Variants in TTC27 observed in about 807,000 individuals in gnomAD.
The protein encoded by TTC27 is tetratricopeptide repeat protein 27.
Under a neutral mutation model 115.9 loss-of-function variants are expected in TTC27, and 79 were observed. The observed-to-expected ratio is 0.68, with a 90% confidence interval of 0.57 to 0.82. TTC27 has a LOEUF of 0.82. TTC27 is among the 40% of genes least tolerant of loss of function. The probability of loss-of-function intolerance (pLI) is 0.00; values close to 1 mark genes in which losing one functional copy is unlikely to be tolerated. For missense variants in TTC27, 1,054 were observed against 993.1 expected (o/e 1.06, Z -0.82); for synonymous variants, 401 against 356.0 (o/e 1.13, Z -1.42).
chr2:32,820,748 CTG>C (rs1227078311), intron 19 of TTC27, 66 bp from the exon 20 acceptor site: 3 of 1,415,126 alleles, frequency 2.1e-6, no homozygotes, highest in East Asian at 2.6e-5. Flanking sequence ...ACTCTATACT[CTG>C]TATCTATTTT....
At chr2:32,681,194 C>G (rs182612580) in intron 9 of TTC27, among the ~76,000 whole-genome samples, 1 of 152,078 alleles carries the variant, frequency 6.6e-6, no homozygotes. Flanking sequence ...GAGTTAATCC[C>G]GAGTAAATCT....
At chr2:32,656,855 A>C (rs966335602) in intron 5 of TTC27, among the ~76,000 whole-genome samples, 6 of 152,142 alleles carry the variant, frequency 3.9e-5, no homozygotes, top group Non-Finnish European at 7.3e-5. Context: ...TTTATAATCA[A>C]ACTAACTGCA....
At position 32,768,852 on chromosome 2, in the gene TTC27, A is replaced by G. The variant is rs147090092; in HGVS notation, c.1681-9030A>G. 4.9e-4 allele frequency among the ~76,000 whole-genome samples: 74 copies of G among 152,282 alleles called. No individual in the cohort carries two copies. The East Asian group carries it at 0.012, about 24-fold the overall frequency. Reference sequence around the variant, plus strand: ...ATCAGAGAGGAGGCCAGTTTTCTCAATTTTCTGATTAAAAAGGAAAATGTC... The same window carrying G: ...ATCAGAGAGGAGGCCAGTTTTCTCAGTTTTCTGATTAAAAAGGAAAATGTC... On this transcript the variant is annotated intron_variant, in intron 13 of 19. Transcript: ENST00000317907.
At position 32,702,916 on chromosome 2, in the gene TTC27, C is replaced by T. The variant is rs1157044147; in HGVS notation, c.1229C>T (p.Thr410Ile). Residue 410 changes from threonine to isoleucine, a missense_variant, in exon 10 of 20, where the codon ACA becomes ATA. Transcript: ENST00000317907. ...TRRVERAMRQ[T>I]QALADQFEDK... The stretch of plus-strand genomic sequence containing the variant: ...CGAGTGGAACGGGCAATGAGGCAGA[C>T]ACAGGTAAGAATTAATGTGGCAATT... 1 of 1,612,170 alleles carries T rather than the reference C, an allele frequency of 6.2e-7. No individual in the cohort carries two copies. Among genetic ancestry groups the T allele is most frequent in the Non-Finnish European group, 8.5e-7 (1 of 1,178,438 alleles).
At chr2:32,670,277 A>C (rs919822741) in intron 7 of TTC27, among the ~76,000 whole-genome samples, 2 of 152,170 alleles carry the variant, frequency 1.3e-5, no homozygotes, top group African/African-American at 2.4e-5. Flanking sequence ...TTTATATAAA[A>C]TATACCGATT....
intron 10 of TTC27, among the ~76,000 whole-genome samples, chr2:32,708,285 G>A (rs182207487): frequency 1.4e-4 from 15 of 105,524 alleles, no homozygotes; most frequent in African/African-American, 3.9e-4. Flanking sequence ...TCTTAATAGC[G>A]TTTTCTTTTC....
At chr2:32,689,785 A>G (rs1043263793) in intron 9 of TTC27, among the ~76,000 whole-genome samples, 2 of 152,184 alleles carry the variant, frequency 1.3e-5, no homozygotes, top group Admixed American at 6.5e-5. Flanking sequence ...TGAATGTAAA[A>G]TCTTAACATT....
chr2:32,795,526 CTTTTCTTAT>C (rs945788185), intron 16 of TTC27, among the ~76,000 whole-genome samples: 2 of 145,536 alleles, frequency 1.4e-5, no homozygotes, highest in Non-Finnish European at 3.0e-5. Context: ...CTGAAAGCTT[CTTTTCTTAT>C]TTATTTATTT....
rs527318121 is a variant in TTC27, at chr2:32,665,856, A to G, written c.806-779A>G. On this transcript the variant is annotated intron_variant, in intron 6 of 19. Coordinates refer to ENST00000317907, the MANE Select transcript of TTC27 (RefSeq NM_017735.5). Reference sequence around the variant, plus strand: ...CAGTGAGCTGAGATCGCACCACTGCACTATAGCCTGGCAACAGAGCAGGAC... The same window carrying G: ...CAGTGAGCTGAGATCGCACCACTGCGCTATAGCCTGGCAACAGAGCAGGAC... Among the ~76,000 whole-genome samples the G allele has an allele frequency of 4.6e-5, 7 of 152,354 alleles. No homozygotes were observed. The East Asian group carries it at 1.2e-3, about 25-fold the overall frequency.
chr2:32,736,422 C>G (rs922730298), intron 11 of TTC27, among the ~76,000 whole-genome samples: 6 of 151,944 alleles, frequency 3.9e-5, no homozygotes, highest in African/African-American at 1.2e-4. Context: ...TTTATTTTTG[C>G]TTTTTAAGTT....
intron 10 of TTC27, among the ~76,000 whole-genome samples, chr2:32,720,926 A>T (rs536157017): frequency 2.0e-5 from 3 of 152,312 alleles, no homozygotes; most frequent in Middle Eastern, 3.4e-3. Flanking sequence ...CACATGCATT[A>T]TACTTGGCAG....
intron 12 of TTC27, among the ~76,000 whole-genome samples, chr2:32,750,778 G>T (rs1668983265): frequency 6.6e-6 from 1 of 152,126 alleles, no homozygotes; most frequent in Non-Finnish European, 1.5e-5. Flanking sequence ...AATTCCTTAG[G>T]GGTGATACAT....
intron 12 of TTC27, among the ~76,000 whole-genome samples, chr2:32,747,204 C>A (rs758562017): frequency 1.4e-4 from 21 of 152,090 alleles, no homozygotes; most frequent in Non-Finnish European, 2.9e-4. Flanking sequence ...TATATGAAAT[C>A]CTGAGTACCC....
At chr2:32,760,645 T>C (rs1472817668) in intron 13 of TTC27, among the ~76,000 whole-genome samples, 1 of 152,188 alleles carries the variant, frequency 6.6e-6, no homozygotes, top group South Asian at 2.1e-4. Context: ...ATATTGTTTT[T>C]AAAATTTTAC....
intron 16 of TTC27, among the ~76,000 whole-genome samples, chr2:32,804,521 C>A (rs1385039045): frequency 1.3e-5 from 2 of 152,000 alleles, no homozygotes; most frequent in Non-Finnish European, 2.9e-5. Flanking sequence ...AGTGGAATAT[C>A]TTGAATCTAT....
intron 6 of TTC27, 125 bp from the exon 7 acceptor site, chr2:32,666,510 A>G: frequency 1.0e-6 from 1 of 992,814 alleles, no homozygotes; most frequent in Non-Finnish European, 1.4e-6. Context: ...GGGCCTCAGG[A>G]CTTTCTTATG....
intron 5 of TTC27, among the ~76,000 whole-genome samples, chr2:32,651,144 C>T (rs572999694): frequency 1.4e-3 from 211 of 152,274 alleles, no homozygotes; most frequent in African/African-American, 4.9e-3. Flanking sequence ...TTCCAAAGCC[C>T]AGACTCCTTT....
chr2:32,817,368 A>G lies in TTC27; in HGVS notation c.2309-89A>G, dbSNP rs139737466. ...AAGTGTTTCTAAAGTATGTTACTAT[A>G]AAAATTCTAATTAAATAATTGGCTT... On this transcript the variant is annotated intron_variant, in intron 18 of 19. Coordinates refer to ENST00000317907, the MANE Select transcript of TTC27 (RefSeq NM_017735.5). 1.6e-3 allele frequency: 1,684 copies of G among 1,067,018 alleles called. 21 individuals carry two copies. The African/African-American group carries it at 0.024, about 15-fold the overall frequency. The allele number at this position is 1,067,018 out of a possible 1,614,324, so 66.1% of individuals were successfully genotyped here.
chr2:32,758,151 T>G (rs1053577251), intron 12 of TTC27, 141 bp from the exon 13 acceptor site: 2 of 720,550 alleles, frequency 2.8e-6, no homozygotes, highest in African/African-American at 3.6e-5. Context: ...ACTCAACCTG[T>G]GTCCTTGATA....
Sources: gnomAD v4.1 joint callset for allele counts (sites outside exome capture counted in the v4.1 genomes callset) on GRCh38, gnomAD v4.1.1 for gene constraint, MANE v1.5 for transcripts, NCBI Gene and HGNC (gene_info 2026-07-23, HGNC 2026-07-21) for gene names.